UBAC2: variants seen among roughly 807,000 people sequenced by gnomAD.
UBAC2 encodes ubiquitin-associated domain-containing protein 2.
Under a neutral mutation model 44.0 loss-of-function variants are expected in UBAC2, and 26 were observed. The ratio of observed to expected loss-of-function variants is 0.59; its 90% CI spans 0.43 to 0.82. The LOEUF (loss-of-function observed/expected upper bound fraction) is 0.82, where lower values mean the gene tolerates loss of function less well. UBAC2 is among the 40% of genes least tolerant of loss of function. The pLI, the probability that UBAC2 is intolerant of heterozygous loss-of-function variation, is 0.00. For synonymous variants in UBAC2, 155 were observed against 154.3 expected (o/e 1.00, Z -0.04); for missense variants, 329 against 419.4 (o/e 0.78, Z 1.88).
At chr13:99,221,009 C>T (rs1208703438) in intron 1 of UBAC2, among the ~76,000 whole-genome samples, 8 of 151,800 alleles carry the variant, frequency 5.3e-5, no homozygotes, top group Non-Finnish European at 8.8e-5. Flanking sequence ...GAATATTTTG[C>T]GCTTACTATT....
At chr13:99,314,262 CTTTT>C (rs57005833) in intron 5 of UBAC2, 42 bp downstream of exon 5, 567 of 1,147,810 alleles carry the variant, frequency 4.9e-4, no homozygotes, top group South Asian at 1.2e-3. Context: ...TTAACCAGAT[CTTTT>C]TTTTTTTTTT....
At chr13:99,287,540 C>T (rs1331351378) in intron 4 of UBAC2, among the ~76,000 whole-genome samples, 3 of 152,008 alleles carry the variant, frequency 2.0e-5, no homozygotes, top group Non-Finnish European at 2.9e-5. Context: ...TTCTCCCACA[C>T]CAGCCTCAGT....
At chr13:99,291,430 A>G (rs914243273) in intron 4 of UBAC2, among the ~76,000 whole-genome samples, 8 of 152,180 alleles carry the variant, frequency 5.3e-5, no homozygotes, top group African/African-American at 1.7e-4. Context: ...TTCTTCACCC[A>G]AATAGTCAGT....
Position 99,385,554 on chromosome 13 carries a change from T to A in UBAC2, c.*219T>A, listed in dbSNP as rs904069490. 6.4e-5 allele frequency: 32 copies of A among 500,010 alleles called. No individual in the cohort carries two copies. Among genetic ancestry groups the A allele is most frequent in the East Asian group, 5.2e-4 (17 of 32,902 alleles). 31.0% of individuals were successfully genotyped at this position (500,010 alleles called of 1,614,324 possible). ...GCATGTATTTTCTATCTATATTTTT[T>A]ATTGGGCATTTTCCCTAGGTTGGAG... is the stretch of plus-strand genomic sequence containing the variant. On this transcript the variant is annotated 3_prime_UTR_variant, in exon 9 of 9. Coordinates refer to ENST00000403766, the MANE Select transcript of UBAC2 (RefSeq NM_001144072.2).
intron 8 of UBAC2, chr13:99,372,669 C>G (rs945858980): frequency 1.3e-5 from 2 of 152,186 alleles, no homozygotes; most frequent in Non-Finnish European, 2.9e-5. Flanking sequence ...CAGGGTTGCC[C>G]AGAGAAAGGT....
At chr13:99,345,535 C>T (rs1453700557) in intron 7 of UBAC2, among the ~76,000 whole-genome samples, 2 of 152,032 alleles carry the variant, frequency 1.3e-5, no homozygotes, top group African/African-American at 4.8e-5. Context: ...GCCTACTGAG[C>T]TTTTCACGTT....
At chr13:99,215,771 T>C in intron 1 of UBAC2, 16 of 1,111,186 alleles carry the variant, frequency 1.4e-5, no homozygotes, top group Non-Finnish European at 2.1e-5. Context: ...CGAGTTCTGC[T>C]GAAGCTCAAG....
intron 7 of UBAC2, 53 bp from the exon 8 acceptor site, chr13:99,367,734 A>C: frequency 1.2e-6 from 2 of 1,612,242 alleles, no homozygotes; most frequent in Non-Finnish European, 1.7e-6. Context: ...TCCAAGCATT[A>C]TGATGATTCT....
intron 4 of UBAC2, among the ~76,000 whole-genome samples, chr13:99,302,357 A>G (rs1447894377): frequency 2.0e-5 from 3 of 152,178 alleles, no homozygotes; most frequent in Non-Finnish European, 2.9e-5. Context: ...AATTTCAAAG[A>G]TATGGTTCTA....
chr13:99,301,745 T>C (rs760015477), intron 4 of UBAC2, among the ~76,000 whole-genome samples: 1 of 152,270 alleles, frequency 6.6e-6, no homozygotes, highest in Non-Finnish European at 1.5e-5. Flanking sequence ...AGAGGACATG[T>C]ACCTTCCATG....
intron 4 of UBAC2, among the ~76,000 whole-genome samples, chr13:99,261,330 T>G (rs191026716): frequency 1.3e-5 from 2 of 152,338 alleles, no homozygotes; most frequent in South Asian, 2.1e-4. Context: ...TCCTTTCTGT[T>G]TCTCAAACTT....
At chr13:99,367,520 T>G (rs1436082267) in intron 7 of UBAC2, among the ~76,000 whole-genome samples, 1 of 152,244 alleles carries the variant, frequency 6.6e-6, no homozygotes, top group African/African-American at 2.4e-5. Flanking sequence ...TGTCTTTCAC[T>G]GCCTTCCAGA....
chr13:99,227,361 T>C (rs2043122658), intron 1 of UBAC2, among the ~76,000 whole-genome samples: 1 of 152,186 alleles, frequency 6.6e-6, no homozygotes, highest in Non-Finnish European at 1.5e-5. Context: ...CACACTGTCG[T>C]CAGCCCCGGG....
intron 1 of UBAC2, among the ~76,000 whole-genome samples, chr13:99,220,343 G>T (rs2043040237): frequency 6.6e-6 from 1 of 151,966 alleles, no homozygotes; most frequent in East Asian, 1.9e-4. Flanking sequence ...CGTGCTTCAG[G>T]GCTATTATAG....
chr13:99,304,864 A>G (rs1228792430), intron 4 of UBAC2, among the ~76,000 whole-genome samples: 2 of 152,262 alleles, frequency 1.3e-5, no homozygotes, highest in Non-Finnish European at 2.9e-5. Flanking sequence ...GTGATCTGCT[A>G]TTATGGGTAG....
At chr13:99,218,134 A>G (rs551458006) in intron 1 of UBAC2, among the ~76,000 whole-genome samples, 38 of 152,312 alleles carry the variant, frequency 2.5e-4, no homozygotes, top group African/African-American at 8.4e-4. Flanking sequence ...GGCTTTTAAA[A>G]TTATTATTTC....
chr13:99,333,956 A>T (rs1266793612), intron 6 of UBAC2, among the ~76,000 whole-genome samples: 15 of 151,958 alleles, frequency 9.9e-5, no homozygotes, highest in Admixed American at 5.9e-4. Flanking sequence ...AACCTGATTT[A>T]AAAAAAATTA....
chr13:99,292,946 G>A (rs1020689921), intron 4 of UBAC2, among the ~76,000 whole-genome samples: 1 of 152,132 alleles, frequency 6.6e-6, no homozygotes, highest in Admixed American at 6.5e-5. Flanking sequence ...TTGACCTCCT[G>A]GTTAGGAGAA....
At chr13:99,317,885 C>T in intron 5 of UBAC2, 137 bp from the exon 6 acceptor site, 3 of 576,674 alleles carry the variant, frequency 5.2e-6, no homozygotes, top group Non-Finnish European at 8.5e-6. Flanking sequence ...TACTAATTTT[C>T]CATTTGCTTC....
Sources: gnomAD v4.1 joint callset for allele counts (sites outside exome capture counted in the v4.1 genomes callset) on GRCh38, gnomAD v4.1.1 for gene constraint, MANE v1.5 for transcripts, NCBI Gene and HGNC (gene_info 2026-07-23, HGNC 2026-07-21) for gene names.